C12orf60: variants seen among roughly 807,000 people sequenced by gnomAD.
C12orf60 encodes the protein uncharacterized protein C12orf60.
For synonymous variants in C12orf60, 102 were observed against 94.6 expected (o/e 1.08, Z -0.45); for missense variants, 284 against 283.2 (o/e 1.00, Z -0.02).
intron 1 of C12orf60, chr12:14,806,612 C>T (rs776182743): frequency 1.2e-6 from 2 of 1,613,792 alleles, no homozygotes; most frequent in South Asian, 2.2e-5. Flanking sequence ...CAAGAAGCTG[C>T]TGGTGAAGAC....
intron 1 of C12orf60, among the ~76,000 whole-genome samples, chr12:14,819,592 C>G (rs1164446067): frequency 2.6e-5 from 4 of 152,106 alleles, no homozygotes; most frequent in African/African-American, 9.7e-5. Context: ...GACTAATTCC[C>G]AATCCTGGGG....
At chr12:14,815,233 T>A (rs1950197644) in intron 1 of C12orf60, among the ~76,000 whole-genome samples, 1 of 152,198 alleles carries the variant, frequency 6.6e-6, no homozygotes, top group East Asian at 1.9e-4. Flanking sequence ...TGGGGTCACT[T>A]TTCTACTTTT....
chr12:14,819,882 C>A (rs550307395), intron 1 of C12orf60, among the ~76,000 whole-genome samples: 1 of 152,010 alleles, frequency 6.6e-6, no homozygotes, highest in South Asian at 2.1e-4. Flanking sequence ...GCAATGGTAG[C>A]CTTATAAAAT....
chr12:14,804,470 C>G (rs1011937295), intron 1 of C12orf60, among the ~76,000 whole-genome samples: 5 of 152,174 alleles, frequency 3.3e-5, no homozygotes, highest in African/African-American at 1.2e-4. Context: ...TAATTTTTAG[C>G]AGAATCTTTA....
chr12:14,806,694 T>C (rs1950057615), intron 1 of C12orf60: 1 of 1,561,368 alleles, frequency 6.4e-7, no homozygotes, highest in African/African-American at 1.4e-5. Context: ...TCCAATATGA[T>C]CGCTGAAAAA....
At chr12:14,820,463 T>C (rs1015795110) in intron 1 of C12orf60, among the ~76,000 whole-genome samples, 4 of 152,054 alleles carry the variant, frequency 2.6e-5, no homozygotes, top group African/African-American at 9.6e-5. Context: ...CTTTCTAATA[T>C]AAACACTTAA....
chr12:14,812,848 G>A (rs1040283132), intron 1 of C12orf60, among the ~76,000 whole-genome samples: 5 of 152,032 alleles, frequency 3.3e-5, no homozygotes, highest in African/African-American at 4.8e-5. Context: ...GAATGATCCT[G>A]TCACCCAGAT....
At chr12:14,821,961 G>T (rs1950312185) in intron 1 of C12orf60, among the ~76,000 whole-genome samples, 1 of 130,622 alleles carries the variant, frequency 7.7e-6, no homozygotes. Context: ...AGGGGCAGGG[G>T]CAAAGGACTG....
rs948636775 is a variant in C12orf60 at position 14,824,059 on chromosome 12, T to G, written c.*386T>G. On this transcript the variant is annotated 3_prime_UTR_variant, in exon 2 of 2. Transcript: ENST00000330828. ...AAATATTATCATTAGATAGAAAATC[T>G]AGGCCTGGGAAACAAAATAAACTCC... is the stretch of plus-strand genomic sequence containing the variant. The G allele has an allele frequency of 1.3e-5, 2 of 154,822 alleles. No homozygotes were observed. Among genetic ancestry groups the G allele is most frequent in the African/African-American group, 4.8e-5 (2 of 41,498 alleles). 9.6% of individuals were successfully genotyped at this position (154,822 alleles called of 1,614,324 possible).
chr12:14,809,410 C>T (rs1950102958), intron 1 of C12orf60, among the ~76,000 whole-genome samples: 1 of 151,954 alleles, frequency 6.6e-6, no homozygotes, highest in South Asian at 2.1e-4. Context: ...AGTATTAAAA[C>T]ACCATAAAAA....
intron 1 of C12orf60, among the ~76,000 whole-genome samples, chr12:14,821,392 C>T (rs941203491): frequency 6.6e-6 from 1 of 152,088 alleles, no homozygotes; most frequent in Non-Finnish European, 1.5e-5. Flanking sequence ...GAGGGAGAGT[C>T]TATTCTTTGC....
At position 14,806,026 on chromosome 12, in the gene C12orf60, T is replaced by C. The variant is rs199648611; in HGVS notation, c.-25+2275T>C. On this transcript the variant is annotated intron_variant, in intron 1 of 1. Transcript: ENST00000330828. Reference sequence around the variant, plus strand: ...GTTCATTTCATTTGGTGTTTCACTGTATTGATGACCTCAGTAATGGCATGA... The same window carrying C: ...GTTCATTTCATTTGGTGTTTCACTGCATTGATGACCTCAGTAATGGCATGA... 102 of 1,612,962 alleles carry C rather than the reference T, an allele frequency of 6.3e-5. No homozygotes were observed. The highest frequency in any genetic ancestry group is 7.6e-5 in the Non-Finnish European group (90 of 1,179,422).
rs1304158039 is a variant in C12orf60 at position 14,823,063 on chromosome 12, C to G, written c.128C>G (p.Thr43Ser). Residue 43 changes from threonine (T) to serine (S), a missense_variant, in exon 2 of 2, where the codon ACT (threonine) becomes AGT (serine). Physicochemically the swap from Thr to Ser is moderately conservative, Grantham distance 58. Transcript: ENST00000330828. ...GAATTGTTTAGCCGCAGTATGAATA[C>G]TCAAATCCTTTTGATGGCTGTGAAA... is the stretch of plus-strand genomic sequence containing the variant. ...LTELFSRSMNTQILLMAVKNN... is the reference protein window; with the variant it reads ...LTELFSRSMNSQILLMAVKNN... 1 of 1,614,128 alleles carries G rather than the reference C, an allele frequency of 6.2e-7. No homozygotes were observed. Among genetic ancestry groups the G allele is most frequent in the South Asian group, 1.1e-5 (1 of 91,080 alleles).
chr12:14,805,950 CTG>C (rs1950040982), intron 1 of C12orf60: 1 of 1,505,038 alleles, frequency 6.6e-7, no homozygotes, highest in Non-Finnish European at 9.0e-7. Context: ...GAAGCAAACA[CTG>C]TTACTGAAAA....
intron 1 of C12orf60, chr12:14,806,551 T>G (rs777676311): frequency 6.2e-7 from 1 of 1,614,182 alleles, no homozygotes; most frequent in Admixed American, 1.7e-5. Context: ...AAGTGCATAT[T>G]TAGAACCTCA....
chr12:14,806,422 G>A (rs1950051102), intron 1 of C12orf60: 2 of 1,614,124 alleles, frequency 1.2e-6, no homozygotes, highest in Non-Finnish European at 1.7e-6. Context: ...TTATCTTTTA[G>A]TGCTTCATCA....
intron 1 of C12orf60, chr12:14,805,931 C>T (rs1367905491): frequency 7.0e-7 from 1 of 1,426,464 alleles, no homozygotes; most frequent in Non-Finnish European, 9.5e-7. Flanking sequence ...GAAAATGAAC[C>T]TAATCAAAGA....
intron 1 of C12orf60, among the ~76,000 whole-genome samples, chr12:14,816,203 C>G: frequency 6.6e-6 from 1 of 152,126 alleles, no homozygotes; most frequent in East Asian, 1.9e-4. Context: ...TGACAAGTTT[C>G]ACTGCTGGAT....
At chr12:14,814,891 A>G (rs1950193432) in intron 1 of C12orf60, among the ~76,000 whole-genome samples, 1 of 152,224 alleles carries the variant, frequency 6.6e-6, no homozygotes, top group Non-Finnish European at 1.5e-5. Context: ...TTACACTCAG[A>G]CAGTCCTGGT....
Sources: gnomAD v4.1 joint callset for allele counts (sites outside exome capture counted in the v4.1 genomes callset) on GRCh38, gnomAD v4.1.1 for gene constraint, MANE v1.5 for transcripts, NCBI Gene and HGNC (gene_info 2026-07-23, HGNC 2026-07-21) for gene names.